The following SUGCT variants were observed in gnomAD, a reference collection of about 807,000 sequenced individuals.
SUGCT encodes succinyl-CoA:glutarate CoA-transferase.
SUGCT carries 41 observed loss-of-function variants against 55.0 expected under a neutral mutation model. The ratio of observed to expected loss-of-function variants is 0.74; its 90% confidence interval spans 0.58 to 0.97. The LOEUF (loss-of-function observed/expected upper bound fraction) is 0.97, where lower values mean the gene tolerates loss of function less well. Ranked by LOEUF, SUGCT falls within the 50% of genes least tolerant of loss-of-function variation. The probability of loss-of-function intolerance (pLI) is 0.00; values close to 1 mark genes in which losing one functional copy is unlikely to be tolerated. For synonymous variants in SUGCT, 187 were observed against 200.4 expected, an observed-to-expected ratio of 0.93 and a Z score of 0.56; for missense variants, 568 against 547.8, an observed-to-expected ratio of 1.04 and a Z score of -0.37.
Position 40,849,776 on chromosome 7 carries a change from C to T in SUGCT, c.1154-10540C>T, listed in dbSNP as rs186518592. 1.7e-3 allele frequency among the ~76,000 whole-genome samples: 261 copies of T among 152,086 alleles called. 2 individuals are homozygous for T. The highest frequency in any genetic ancestry group is 6.1e-3 in the African/African-American group (254 of 41,502). ...CAGACGGAAAACACCACAGAGCTAG[C>T]TTGAGGGATTCTCAGGGGGCGCCAG... On this transcript the variant is annotated intron_variant, in intron 13 of 13. Transcript: ENST00000335693.
the SUGCT span, among the ~76,000 whole-genome samples, chr7:41,003,796 A>G: frequency 2.0e-5 from 3 of 152,206 alleles, no homozygotes; most frequent in Non-Finnish European, 4.4e-5. Flanking sequence ...CAACACTTAC[A>G]TTCCAGGAGG....
chr7:40,688,117 A>G (rs4050983), intron 12 of SUGCT, among the ~76,000 whole-genome samples: 12,428 of 152,154 alleles, frequency 0.082, 759 homozygotes, highest in East Asian at 0.27. Context: ...TCTTAATGCA[A>G]TGGTCAGTAA....
chr7:40,188,389 G>C (rs1328123038), intron 3 of SUGCT, 106 bp from the exon 4 acceptor site: 1 of 741,708 alleles, frequency 1.3e-6, no homozygotes, highest in Non-Finnish European at 2.1e-6. Context: ...AGCAGAGATC[G>C]TTCCTCTGCA....
chr7:40,325,190 T>C (rs1413984296), intron 9 of SUGCT, among the ~76,000 whole-genome samples: 2 of 151,664 alleles, frequency 1.3e-5, no homozygotes, highest in African/African-American at 2.4e-5. Context: ...TTAGGTAACA[T>C]TGGGAATCTT....
intron 9 of SUGCT, among the ~76,000 whole-genome samples, chr7:40,356,395 C>G (rs531045404): frequency 9.9e-5 from 15 of 152,154 alleles, no homozygotes; most frequent in Non-Finnish European, 1.9e-4. Flanking sequence ...TTTTCTTACT[C>G]AGAAAAATTT....
intron 1 of SUGCT, among the ~76,000 whole-genome samples, chr7:40,160,933 C>T (rs1295158402): frequency 6.6e-6 from 1 of 151,920 alleles, no homozygotes; most frequent in Non-Finnish European, 1.5e-5. Context: ...CACACACACA[C>T]ATATATATAA....
chr7:40,448,981 GAGAA>G (rs1389749555), intron 9 of SUGCT, among the ~76,000 whole-genome samples: 6 of 150,876 alleles, frequency 4.0e-5, no homozygotes, highest in Non-Finnish European at 5.9e-5. Flanking sequence ...GAGAGAGAGA[GAGAA>G]AGAGAGAGAG....
intron 12 of SUGCT, among the ~76,000 whole-genome samples, chr7:40,564,763 TGATA>T: frequency 6.6e-6 from 1 of 152,330 alleles, no homozygotes; most frequent in Admixed American, 6.5e-5. Context: ...TTGTGCCCAC[TGATA>T]GAAGGAATCA....
At chr7:41,021,617 C>G in the SUGCT span, among the ~76,000 whole-genome samples, 1 of 151,192 alleles carries the variant, frequency 6.6e-6, no homozygotes, top group Non-Finnish European at 1.5e-5. Context: ...TATTAATGCC[C>G]CCCACCCCCA....
chr7:41,013,803 T>G, the SUGCT span, among the ~76,000 whole-genome samples: 1 of 152,052 alleles, frequency 6.6e-6, no homozygotes, highest in African/African-American at 2.4e-5. Flanking sequence ...TTTTTTTCAC[T>G]AATATATTTC....
intron 13 of SUGCT, among the ~76,000 whole-genome samples, chr7:40,771,586 G>T (rs1004171299): frequency 6.6e-6 from 1 of 152,070 alleles, no homozygotes; most frequent in Admixed American, 6.6e-5. Flanking sequence ...TTCAAGATTC[G>T]ATGGGGGAAT....
At chr7:40,393,242 A>G (rs1296701933) in intron 9 of SUGCT, among the ~76,000 whole-genome samples, 1 of 152,192 alleles carries the variant, frequency 6.6e-6, no homozygotes, top group African/African-American at 2.4e-5. Context: ...AACAGGAATA[A>G]TCAGATGTAT....
intron 9 of SUGCT, among the ~76,000 whole-genome samples, chr7:40,432,371 G>A (rs1347153347): frequency 6.6e-6 from 1 of 152,052 alleles, no homozygotes. Context: ...TACATAATGA[G>A]TCAATTTTAT....
intron 9 of SUGCT, among the ~76,000 whole-genome samples, chr7:40,346,891 A>G (rs1167703852): frequency 6.6e-6 from 1 of 152,206 alleles, no homozygotes; most frequent in Admixed American, 6.5e-5. Flanking sequence ...ACCATTTGCC[A>G]ATCAGCTGGA....
At chr7:40,285,485 C>CT (rs933722315) in intron 8 of SUGCT, among the ~76,000 whole-genome samples, 27 of 106,702 alleles carry the variant, frequency 2.5e-4, no homozygotes, top group Admixed American at 2.1e-3. Context: ...TTGTTTTTTT[C>CT]TTTTTTCGGG....
intron 9 of SUGCT, among the ~76,000 whole-genome samples, chr7:40,404,469 ACT>A (rs2151327812): frequency 6.7e-6 from 1 of 149,326 alleles, no homozygotes; most frequent in South Asian, 2.1e-4. Flanking sequence ...GTGGAGTCTC[ACT>A]CTGTCACCCA....
At chr7:40,305,098 C>T (rs1246621841) in intron 8 of SUGCT, among the ~76,000 whole-genome samples, 1 of 152,160 alleles carries the variant, frequency 6.6e-6, no homozygotes, top group Non-Finnish European at 1.5e-5. Flanking sequence ...GGGCCTCAGT[C>T]CCTGACATTG....
At chr7:40,915,365 G>T in the SUGCT span, among the ~76,000 whole-genome samples, 1 of 152,174 alleles carries the variant, frequency 6.6e-6, no homozygotes, top group African/African-American at 2.4e-5. Context: ...GGCTTATGGA[G>T]TTCAGTATAT....
At chr7:40,935,297 G>A in the SUGCT span, among the ~76,000 whole-genome samples, 1 of 151,828 alleles carries the variant, frequency 6.6e-6, no homozygotes, top group Admixed American at 6.6e-5. Flanking sequence ...TACAATTCAT[G>A]GTTTTTAGTG....
Sources: gnomAD v4.1 joint callset for allele counts (sites outside exome capture counted in the v4.1 genomes callset) on GRCh38, gnomAD v4.1.1 for gene constraint, MANE v1.5 for transcripts, NCBI Gene and HGNC (gene_info 2026-07-23, HGNC 2026-07-21) for gene names.